The following CDK12 variants were observed in gnomAD, a reference collection of about 807,000 sequenced individuals.
The protein encoded by CDK12 is cyclin dependent kinase 12, also known as cyclin-dependent kinase 12.
CDK12 carries 17 observed loss-of-function variants against 133.8 expected under a neutral mutation model. The observed-to-expected ratio is 0.13, with a 90% CI of 0.09 to 0.19. CDK12 has a LOEUF of 0.19. CDK12 is among the 10% of genes least tolerant of loss of function. CDK12 has a pLI of 1.00. For synonymous variants in CDK12, 694 were observed against 683.6 expected (o/e 1.02, Z -0.24); for missense variants, 1,508 against 1,818.7 (o/e 0.83, Z 3.11).
At chr17:39,475,834 C>T (rs1448269270) in intron 2 of CDK12, among the ~76,000 whole-genome samples, 8 of 151,770 alleles carry the variant, frequency 5.3e-5, no homozygotes, top group Non-Finnish European at 1.2e-4. Context: ...TGTGAGCCAC[C>T]ATGTCAGGAA....
chr17:39,530,313 T>C (rs2054750016), intron 13 of CDK12: 1 of 325,716 alleles, frequency 3.1e-6, no homozygotes, highest in Admixed American at 4.7e-5. Context: ...ACAGCCTGCA[T>C]GTTAGAACAG....
In CDK12 at chr17:39,499,222, T is replaced by TCTTTCTTTCCTTTCTTTCTTTC. The variant is rs2052525564; in HGVS notation, c.2420-2028_2420-2027insCTTTCTTTCCTTTCTTTCTTTC. Among the ~76,000 whole-genome samples the TCTTTCTTTCCTTTCTTTCTTTC allele has an allele frequency of 2.8e-5, 3 of 107,380 alleles. No individual in the cohort carries two copies. The East Asian group carries it at 7.5e-4, about 27-fold the overall frequency. The allele number at this position is 107,380 out of a possible 152,430, so 70.4% of individuals were successfully genotyped here. On this transcript the variant is annotated intron_variant, in intron 5 of 13. Coordinates refer to ENST00000447079, the MANE Select transcript of CDK12 (RefSeq NM_016507.4). ...TTCTTTCTTTCCTTTTTTTTTTTTT[T>TCTTTCTTTCCTTTCTTTCTTTC]TTGAGACAGAGTCTTGCTCTTTTTG...
At position 39,461,810 on chromosome 17, in the gene CDK12, A is replaced by G. The variant is rs2048978860; in HGVS notation, c.-262A>G. ...GCTCGGCGGAGGGAGAAGAGGAAAC[A>G]GACTTGAGCAGCTCCCCGTTGTCTC... On this transcript the variant is annotated 5_prime_UTR_variant, in exon 1 of 14. Transcript: ENST00000447079. 3.9e-6 allele frequency: 2 copies of G among 506,566 alleles called. No individual in the cohort carries two copies. The highest frequency in any genetic ancestry group is 2.7e-5 in the South Asian group (1 of 37,182). 31.4% of individuals were successfully genotyped at this position (506,566 alleles called of 1,614,324 possible).
chr17:39,497,417 C>G (rs1469594607), intron 5 of CDK12, among the ~76,000 whole-genome samples: 2 of 151,696 alleles, frequency 1.3e-5, no homozygotes, highest in Non-Finnish European at 1.5e-5. Flanking sequence ...GTGCTGGGCA[C>G]TTTTAATCCT....
chr17:39,469,839 G>C (rs1040492201), intron 1 of CDK12, among the ~76,000 whole-genome samples: 2 of 151,868 alleles, frequency 1.3e-5, no homozygotes, highest in Non-Finnish European at 2.9e-5. Context: ...GTTTCTCCAT[G>C]TTGGTCAGGC....
chr17:39,511,612 T>C lies in CDK12; in HGVS notation c.2750T>C (p.Ile917Thr). 6.2e-7 allele frequency: 1 copy of C among 1,609,854 alleles called. No individual in the cohort carries two copies. Among genetic ancestry groups the C allele is most frequent in the Non-Finnish European group, 8.5e-7 (1 of 1,176,666 alleles). Residue 917 changes from isoleucine to threonine, a missense_variant, in exon 8 of 14, where the codon ATA becomes ACA. By Grantham distance (89) the Ile-to-Thr change is moderately conservative (BLOSUM62 -1). This residue lies in a region of CDK12 where 82 missense variants were observed against 201.5 expected (regional missense o/e 0.41). Transcript: ENST00000447079. ...GGAGAGGAACGTTACACACCAGCCATAGATGTTTGGAGCTGTGGGTAAGGT... is the reference window on the plus strand; with the variant it reads ...GGAGAGGAACGTTACACACCAGCCACAGATGTTTGGAGCTGTGGGTAAGGT... Reference protein sequence around the residue: ...LLGEERYTPAIDVWSCGCILG... With the variant: ...LLGEERYTPATDVWSCGCILG...
chr17:39,479,625 G>GT (rs2050479345), intron 2 of CDK12, among the ~76,000 whole-genome samples: 1 of 151,622 alleles, frequency 6.6e-6, no homozygotes. Context: ...GTTTTGTTTT[G>GT]TTTTTTGTTT....
chr17:39,566,071 G>C (rs372876504), downstream of CDK12, among the ~76,000 whole-genome samples: 1 of 152,154 alleles, frequency 6.6e-6, no homozygotes, highest in African/African-American at 2.4e-5. Context: ...TAAAGCCCTT[G>C]TTGCTTCATC....
intron 2 of CDK12, among the ~76,000 whole-genome samples, chr17:39,476,899 T>G (rs540011460): frequency 4.8e-5 from 7 of 146,770 alleles, no homozygotes; most frequent in Admixed American, 1.4e-4. Flanking sequence ...TTTGTGTATT[T>G]TTATTAGAGA....
At chr17:39,481,465 C>G (rs112226328) in intron 2 of CDK12, among the ~76,000 whole-genome samples, 3 of 151,162 alleles carry the variant, frequency 2.0e-5, no homozygotes, top group Non-Finnish European at 4.4e-5. Context: ...AAGCCATGCC[C>G]GGCTGTTTTT....
At chr17:39,527,387 A>G (rs1243462502) in intron 13 of CDK12, among the ~76,000 whole-genome samples, 1 of 152,058 alleles carries the variant, frequency 6.6e-6, no homozygotes, top group African/African-American at 2.4e-5. Flanking sequence ...TGCTATCTCT[A>G]TTTGGCCATT....
In CDK12 at chr17:39,531,659, C is replaced by G; in HGVS notation, c.*343C>G. On this transcript the variant is annotated 3_prime_UTR_variant, in exon 14 of 14. Transcript: ENST00000447079. Reference sequence around the variant, plus strand: ...GATCGGAAGAGAGAAAGAACAGTTTCAGTATTGAGATGGCTCAGGAGAGGC... The same window carrying G: ...GATCGGAAGAGAGAAAGAACAGTTTGAGTATTGAGATGGCTCAGGAGAGGC... 1 of 265,226 alleles carries G rather than the reference C, an allele frequency of 3.8e-6. No individual in the cohort carries two copies. Among genetic ancestry groups the G allele is most frequent in the Non-Finnish European group, 7.1e-6 (1 of 140,458 alleles). 16.4% of individuals were successfully genotyped at this position (265,226 alleles called of 1,614,324 possible). A position where few individuals can be genotyped will look rare whatever the true frequency, so the allele number is the denominator to read the frequency against.
intron 2 of CDK12, among the ~76,000 whole-genome samples, chr17:39,476,472 G>A (rs1269550231): frequency 1.3e-5 from 2 of 151,876 alleles, no homozygotes; most frequent in Non-Finnish European, 2.9e-5. Context: ...CCAGGCTGGA[G>A]TGCAGTGATG....
chr17:39,520,815 C>T (rs1045398852), intron 11 of CDK12, among the ~76,000 whole-genome samples: 1 of 152,074 alleles, frequency 6.6e-6, no homozygotes, highest in Non-Finnish European at 1.5e-5. Context: ...TGCCTGCCAC[C>T]ACACCCGGCT....
chr17:39,511,427 T>A, intron 7 of CDK12, 102 bp from the exon 8 acceptor site: 1 of 715,846 alleles, frequency 1.4e-6, no homozygotes, highest in Non-Finnish European at 2.4e-6. Flanking sequence ...TTTTTCAGTC[T>A]CATCTTCATT....
At chr17:39,476,320 T>C (rs2050187644) in intron 2 of CDK12, among the ~76,000 whole-genome samples, 1 of 151,972 alleles carries the variant, frequency 6.6e-6, no homozygotes, top group South Asian at 2.1e-4. Flanking sequence ...ATATTTCTCC[T>C]GGATGGTCTC....
intron 3 of CDK12, among the ~76,000 whole-genome samples, chr17:39,563,218 A>G (rs1324887473): frequency 6.6e-6 from 1 of 151,530 alleles, no homozygotes; most frequent in Non-Finnish European, 1.5e-5. Flanking sequence ...AATACACACA[A>G]CATGCCTGGG....
intron 2 of CDK12, among the ~76,000 whole-genome samples, chr17:39,474,116 A>G (rs2050009934): frequency 6.6e-6 from 1 of 152,180 alleles, no homozygotes; most frequent in Non-Finnish European, 1.5e-5. Flanking sequence ...AAGTACCACC[A>G]AACACACTTG....
chr17:39,513,170 G>A (rs927616701), intron 8 of CDK12, among the ~76,000 whole-genome samples: 2 of 152,152 alleles, frequency 1.3e-5, no homozygotes, highest in African/African-American at 4.8e-5. Flanking sequence ...GTGTGTTGGG[G>A]CATGGATGTT....
Sources: gnomAD v4.1 joint callset for allele counts (sites outside exome capture counted in the v4.1 genomes callset) on GRCh38, gnomAD v4.1.1 for gene constraint, gnomAD v4.1.1 regional missense constraint, MANE v1.5 for transcripts, NCBI Gene and HGNC (gene_info 2026-07-23, HGNC 2026-07-21) for gene names.